Variants in DSCAML1 observed in about 807,000 individuals in gnomAD.
The protein encoded by DSCAML1 is DS cell adhesion molecule like 1, also known as cell adhesion molecule DSCAML1.
A neutral mutation model predicts 200.5 loss-of-function variants in DSCAML1; 38 were observed. The observed-to-expected ratio is 0.19, with a 90% confidence interval of 0.15 to 0.25. The LOEUF (loss-of-function observed/expected upper bound fraction) is 0.25, where lower values mean the gene tolerates loss of function less well. Among genes scored for constraint, DSCAML1 ranks in the 10% least tolerant of loss-of-function variants. DSCAML1 has a pLI of 1.00. For synonymous variants in DSCAML1, 1,215 were observed against 1,165.0 expected (o/e 1.04, Z -0.87); for missense variants, 2,223 against 2,858.8 (o/e 0.78, Z 5.07).
At chr11:117,763,551 G>A (rs1264083257) in intron 3 of DSCAML1, among the ~76,000 whole-genome samples, 1 of 151,968 alleles carries the variant, frequency 6.6e-6, no homozygotes, top group Non-Finnish European at 1.5e-5. Flanking sequence ...ATTGCCCTTC[G>A]ATACATACAA....
At chr11:117,624,174 C>A (rs537232753) in intron 3 of DSCAML1, among the ~76,000 whole-genome samples, 8 of 152,320 alleles carry the variant, frequency 5.3e-5, no homozygotes, top group Middle Eastern at 3.4e-3. Flanking sequence ...AAGCCACCCA[C>A]CAGCTTCAAC....
chr11:117,806,043 C>A (rs1448323794), intron 1 of DSCAML1, among the ~76,000 whole-genome samples: 1 of 152,188 alleles, frequency 6.6e-6, no homozygotes, highest in Admixed American at 6.5e-5. Flanking sequence ...CCCTCCTAGG[C>A]CCTGTTGCCT....
At chr11:117,487,612 A>T (rs1365414223) in intron 11 of DSCAML1, among the ~76,000 whole-genome samples, 1 of 152,178 alleles carries the variant, frequency 6.6e-6, no homozygotes, top group Non-Finnish European at 1.5e-5. Flanking sequence ...AGGACTCATA[A>T]TTACAAGCTC....
intron 3 of DSCAML1, among the ~76,000 whole-genome samples, chr11:117,688,558 C>T (rs58277343): frequency 0.055 from 8,318 of 152,246 alleles, 729 homozygotes; most frequent in African/African-American, 0.19. Flanking sequence ...GCAGGAAGAA[C>T]ACAGGACCAG....
chr11:117,759,600 C>T (rs1351263099), intron 3 of DSCAML1, among the ~76,000 whole-genome samples: 1 of 152,030 alleles, frequency 6.6e-6, no homozygotes, highest in Non-Finnish European at 1.5e-5. Context: ...ATCATCCGGG[C>T]CTCTTGAGGC....
chr11:117,697,060 C>T (rs749933011), intron 3 of DSCAML1, among the ~76,000 whole-genome samples: 3 of 152,298 alleles, frequency 2.0e-5, no homozygotes, highest in Non-Finnish European at 2.9e-5. Context: ...AGCTTTGTAA[C>T]GGCTCTGGTA....
At chr11:117,528,940 C>G (rs574294990) in intron 4 of DSCAML1, among the ~76,000 whole-genome samples, 69 of 151,594 alleles carry the variant, frequency 4.6e-4, no homozygotes, top group African/African-American at 1.2e-3. Context: ...CCGCCCCCCC[C>G]CTTGGGAATG....
At chr11:117,570,028 A>G (rs2050821001) in intron 3 of DSCAML1, among the ~76,000 whole-genome samples, 1 of 152,126 alleles carries the variant, frequency 6.6e-6, no homozygotes, top group South Asian at 2.1e-4. Context: ...GGATGAGGAC[A>G]TGTTTGCCAG....
At chr11:117,690,379 G>A (rs1046862953) in intron 3 of DSCAML1, among the ~76,000 whole-genome samples, 1 of 152,198 alleles carries the variant, frequency 6.6e-6, no homozygotes, top group Admixed American at 6.5e-5. Flanking sequence ...CACCCAGGCT[G>A]GCTTGGTAAG....
chr11:117,733,553 G>T (rs898304178), intron 3 of DSCAML1, among the ~76,000 whole-genome samples: 1 of 152,212 alleles, frequency 6.6e-6, no homozygotes. Context: ...ACACCCTCCT[G>T]CAAGAGAGTG....
chr11:117,730,895 C>T (rs1264621676), intron 3 of DSCAML1, among the ~76,000 whole-genome samples: 1 of 152,080 alleles, frequency 6.6e-6, no homozygotes, highest in African/African-American at 2.4e-5. Flanking sequence ...GTGAAAAAAG[C>T]CGGACACAAA....
At chr11:117,814,224 C>T (rs374697923) in intron 1 of DSCAML1, among the ~76,000 whole-genome samples, 24 of 152,264 alleles carry the variant, frequency 1.6e-4, no homozygotes, top group African/African-American at 4.8e-4. Context: ...TATCTCCCTT[C>T]GCTGACTCTC....
At chr11:117,587,494 A>C (rs1017234276) in intron 3 of DSCAML1, among the ~76,000 whole-genome samples, 3 of 152,102 alleles carry the variant, frequency 2.0e-5, no homozygotes, top group African/African-American at 7.2e-5. Context: ...CTGTGAAAGC[A>C]GGTGACATTT....
At chr11:117,594,968 C>T (rs139638249) in intron 3 of DSCAML1, among the ~76,000 whole-genome samples, 31 of 152,100 alleles carry the variant, frequency 2.0e-4, no homozygotes, top group African/African-American at 7.2e-4. Context: ...TTCACCATTG[C>T]CGTTCTCTAA....
intron 11 of DSCAML1, 87 bp from the exon 12 acceptor site, chr11:117,482,249 C>A: frequency 6.8e-7 from 1 of 1,461,448 alleles, no homozygotes; most frequent in Non-Finnish European, 9.4e-7. Flanking sequence ...AGCCCCCGCC[C>A]CAGCCCTCCT....
At chr11:117,669,796 C>A (rs1335334133) in intron 3 of DSCAML1, among the ~76,000 whole-genome samples, 1 of 152,142 alleles carries the variant, frequency 6.6e-6, no homozygotes, top group African/African-American at 2.4e-5. Context: ...GTGCAAAGGC[C>A]CTGGGGCAGG....
chr11:117,515,834 T>C (rs1370035034), intron 8 of DSCAML1, among the ~76,000 whole-genome samples: 2 of 152,026 alleles, frequency 1.3e-5, no homozygotes, highest in Non-Finnish European at 2.9e-5. Flanking sequence ...TGGGCCAGGC[T>C]GGTCTCAAAC....
chr11:117,462,494 C>G (rs1338600274), intron 17 of DSCAML1, among the ~76,000 whole-genome samples: 2 of 152,210 alleles, frequency 1.3e-5, no homozygotes, highest in Non-Finnish European at 2.9e-5. Flanking sequence ...TGCTTCGCTC[C>G]GAGTGGAAGA....
At chr11:117,669,179 A>G (rs918639091) in intron 3 of DSCAML1, among the ~76,000 whole-genome samples, 6 of 152,222 alleles carry the variant, frequency 3.9e-5, no homozygotes, top group African/African-American at 1.4e-4. Flanking sequence ...AATTCCCCAT[A>G]AAAGGAGAAA....
Sources: gnomAD v4.1 joint callset for allele counts (sites outside exome capture counted in the v4.1 genomes callset) on GRCh38, gnomAD v4.1.1 for gene constraint, MANE v1.5 for transcripts, NCBI Gene and HGNC (gene_info 2026-07-23, HGNC 2026-07-21) for gene names.